The following PCDHGA2 variants were observed in gnomAD, a reference collection of about 807,000 sequenced individuals.
PCDHGA2 encodes protocadherin gamma subfamily A, 2.
Under a neutral mutation model 59.2 loss-of-function variants are expected in PCDHGA2, and 40 were observed. The ratio of observed to expected loss-of-function variants is 0.68; its 90% confidence interval spans 0.52 to 0.88. PCDHGA2 has a LOEUF of 0.88. PCDHGA2 is among the 40% of genes least tolerant of loss of function. PCDHGA2 has a pLI of 0.00. For missense variants in PCDHGA2, 1,226 were observed against 1,204.0 expected, an observed-to-expected ratio of 1.02 and a Z score of -0.27; for synonymous variants, 560 against 526.0, an observed-to-expected ratio of 1.06 and a Z score of -0.89.
intron 1 of PCDHGA2, chr5:141,413,462 G>C (rs750915907): frequency 1.9e-6 from 3 of 1,614,120 alleles, no homozygotes; most frequent in Non-Finnish European, 2.5e-6. Flanking sequence ...AGGATAGACC[G>C]GGAGGAGCTC....
intron 1 of PCDHGA2, among the ~76,000 whole-genome samples, chr5:141,467,772 C>A (rs972304213): frequency 1.3e-5 from 2 of 151,686 alleles, no homozygotes; most frequent in Admixed American, 6.6e-5. Flanking sequence ...AGTGCCCGCA[C>A]CTCAGCCTCT....
At chr5:141,366,062 G>A in intron 1 of PCDHGA2, 5 of 1,614,234 alleles carry the variant, frequency 3.1e-6, no homozygotes, top group Non-Finnish European at 4.2e-6. Context: ...CGTGGAGCTG[G>A]CGCCTCGCTC....
At chr5:141,383,916 T>C (rs1368497890) in intron 1 of PCDHGA2, 1 of 1,613,968 alleles carries the variant, frequency 6.2e-7, no homozygotes, top group Non-Finnish European at 8.5e-7. Flanking sequence ...CAGTTTTAGA[T>C]GTAAATGATA....
chr5:141,364,432 G>C (rs763376851), intron 1 of PCDHGA2: 3 of 1,613,796 alleles, frequency 1.9e-6, no homozygotes, highest in Non-Finnish European at 8.5e-7. Context: ...TCCGCTACTC[G>C]ATGCCGGAGG....
intron 2 of PCDHGA2, 35 bp from the exon 3 acceptor site, chr5:141,505,358 G>A (rs1156448862): frequency 6.2e-7 from 1 of 1,613,796 alleles, no homozygotes; most frequent in Non-Finnish European, 8.5e-7. Context: ...GTGCCGGCCT[G>A]GGAGTCTGTG....
intron 1 of PCDHGA2, among the ~76,000 whole-genome samples, chr5:141,492,631 A>G (rs1203365582): frequency 6.6e-6 from 1 of 152,184 alleles, no homozygotes; most frequent in Non-Finnish European, 1.5e-5. Flanking sequence ...GCAGGACTCT[A>G]CGATCCTTGG....
chr5:141,496,980 G>T (rs186715298), intron 2 of PCDHGA2, among the ~76,000 whole-genome samples: 1 of 151,974 alleles, frequency 6.6e-6, no homozygotes, highest in Admixed American at 6.6e-5. Flanking sequence ...GAGGTCAGGG[G>T]TTTGAGACCA....
rs553860713 is a variant in PCDHGA2, at chr5:141,410,124, G to C, written c.2424+68729G>C. On this transcript the variant is annotated intron_variant, in intron 1 of 3. Coordinates refer to ENST00000394576, the MANE Select transcript of PCDHGA2 (RefSeq NM_018915.4). ...GGCGACAGGGACGCAGCCCGCCAGC[G>C]CCTGCTGGTCGCTGTGCGTGACGGT... is the stretch of plus-strand genomic sequence containing the variant. 1.2e-5 allele frequency: 20 copies of C among 1,612,726 alleles called. No homozygotes were observed. In the South Asian group the frequency reaches 2.2e-4, roughly 18 times the overall value.
intron 1 of PCDHGA2, among the ~76,000 whole-genome samples, chr5:141,445,582 T>C (rs886701142): frequency 6.6e-6 from 1 of 152,214 alleles, no homozygotes; most frequent in Non-Finnish European, 1.5e-5. Context: ...TAGGGAAGCT[T>C]CGCCTAATCT....
intron 1 of PCDHGA2, chr5:141,403,427 G>T: frequency 6.2e-7 from 1 of 1,614,026 alleles, no homozygotes; most frequent in Non-Finnish European, 8.5e-7. Context: ...AGAAGCTATT[G>T]ATCCGGATGT....
chr5:141,395,605 A>G (rs1344642467), intron 1 of PCDHGA2: 3 of 198,976 alleles, frequency 1.5e-5, no homozygotes, highest in Non-Finnish European at 3.0e-5. Context: ...CCAAACTAGA[A>G]CTTCAGAAAA....
At chr5:141,497,540 C>T (rs866982821) in intron 2 of PCDHGA2, among the ~76,000 whole-genome samples, 5 of 134,944 alleles carry the variant, frequency 3.7e-5, no homozygotes, top group African/African-American at 1.1e-4. Context: ...TGCAACAAAC[C>T]TTTTTTTTTT....
At chr5:141,362,214 T>TGTGGCC (rs1294960124) in intron 1 of PCDHGA2, 1 of 1,613,866 alleles carries the variant, frequency 6.2e-7, no homozygotes, top group Non-Finnish European at 8.5e-7. Flanking sequence ...TTTACCTGGT[T>TGTGGCC]GTGGCCTTGG....
chr5:141,374,301 A>T, intron 1 of PCDHGA2: 1 of 1,613,996 alleles, frequency 6.2e-7, no homozygotes, highest in Non-Finnish European at 8.5e-7. Flanking sequence ...GGTAGGATGC[A>T]GCTTTTCTCT....
intron 1 of PCDHGA2, chr5:141,367,403 G>GTT (rs1765106361): frequency 2.0e-5 from 3 of 152,234 alleles, no homozygotes; most frequent in African/African-American, 7.2e-5. Context: ...CGGGCGTGGT[G>GTT]GCAGGCGCCT....
chr5:141,356,148 CAT>C (rs1275291606), intron 1 of PCDHGA2: 4 of 1,613,436 alleles, frequency 2.5e-6, no homozygotes, highest in Admixed American at 1.7e-5. Context: ...GATTCTATGA[CAT>C]AGATGTAGAA....
At chr5:141,395,032 T>C (rs1561652708) in intron 1 of PCDHGA2, 1 of 1,614,068 alleles carries the variant, frequency 6.2e-7, no homozygotes. Context: ...GCCTCACATT[T>C]TGTGGGTGTT....
At chr5:141,412,084 G>C (rs1199665555) in intron 1 of PCDHGA2, 1 of 152,170 alleles carries the variant, frequency 6.6e-6, no homozygotes, top group East Asian at 1.9e-4. Flanking sequence ...ATTGCTACTG[G>C]GTTGATGGGC....
chr5:141,392,914 C>G (rs2092626800), intron 1 of PCDHGA2: 1 of 1,613,786 alleles, frequency 6.2e-7, no homozygotes. Context: ...ATTCGCTACT[C>G]TGTGCCAGAA....
Sources: allele counts gnomAD v4.1 joint callset (sites outside exome capture counted in the v4.1 genomes callset), GRCh38; gene constraint gnomAD v4.1.1; transcripts MANE v1.5; gene names NCBI Gene and HGNC (gene_info 2026-07-23, HGNC 2026-07-21).